The following PUDP variants were observed in gnomAD, a reference collection of about 807,000 sequenced individuals.
PUDP encodes the protein pseudouridine-5'-phosphatase.
In PUDP, 8 loss-of-function variants were observed where a neutral mutation model predicts 9.4. The observed-to-expected ratio is 0.85, with a 90% CI of 0.50 to 1.53. The LOEUF is 1.53. PUDP is among the 40% of genes most tolerant of loss of function. The probability of loss-of-function intolerance (pLI) is 0.00; values close to 1 mark genes in which losing one functional copy is unlikely to be tolerated. For missense variants in PUDP, 188 were observed against 189.7 expected (o/e 0.99, Z 0.05); for synonymous variants, 99 against 80.7 (o/e 1.23, Z -1.22).
intron 1 of PUDP, among the ~76,000 whole-genome samples, chrX:7,133,413 G>C (rs2146928777): frequency 8.9e-6 from 1 of 112,225 alleles, no homozygotes; most frequent in African/African-American, 3.2e-5. Context: ...GAAAGCTATG[G>C]GGAAGCCAGA....
intron 1 of PUDP, among the ~76,000 whole-genome samples, chrX:7,006,537 T>C (rs1362713365): frequency 1.8e-5 from 2 of 111,334 alleles, no homozygotes; most frequent in Admixed American, 9.6e-5. Context: ...TTAAATTGGG[T>C]TGATTTTTTT....
chrX:7,033,459 C>T (rs1253906905), intron 1 of PUDP, among the ~76,000 whole-genome samples: 37 of 112,566 alleles, frequency 3.3e-4, no homozygotes, highest in African/African-American at 1.1e-3. Flanking sequence ...CAAAAGGAGA[C>T]TTTCTGTCTG....
At chrX:6,992,645 T>C (rs1194378115) in intron 1 of PUDP, among the ~76,000 whole-genome samples, 1 of 110,940 alleles carries the variant, frequency 9.0e-6, no homozygotes, top group African/African-American at 3.3e-5. Context: ...AACGTGAGAC[T>C]TGATCTCTGG....
chrX:6,978,840 T>A (rs1928992708), intron 1 of PUDP, among the ~76,000 whole-genome samples: 1 of 111,783 alleles, frequency 8.9e-6, no homozygotes, highest in African/African-American at 3.3e-5. Flanking sequence ...TTGATAAAAC[T>A]GCTCCATTTT....
chrX:6,882,515 G>A (rs1927363270), intron 3 of PUDP, among the ~76,000 whole-genome samples: 2 of 111,357 alleles, frequency 1.8e-5, no homozygotes, highest in South Asian at 7.6e-4. Flanking sequence ...ATTTTCGGGG[G>A]GGCTACAGAA....
intron 3 of PUDP, among the ~76,000 whole-genome samples, chrX:6,926,547 T>C (rs1196749523): frequency 3.6e-5 from 4 of 112,252 alleles, no homozygotes; most frequent in African/African-American, 1.3e-4. Context: ...AAGAGAAAAA[T>C]GAGGCAGCTC....
chrX:6,780,138 A>G (rs751683114), intron 3 of PUDP, among the ~76,000 whole-genome samples: 9 of 109,970 alleles, frequency 8.2e-5, no homozygotes, highest in Non-Finnish European at 1.3e-4. Flanking sequence ...ATATATACAT[A>G]TTGTATATAT....
intron 1 of PUDP, among the ~76,000 whole-genome samples, chrX:7,000,734 T>C (rs1207612747): frequency 9.2e-6 from 1 of 109,179 alleles, no homozygotes; most frequent in Non-Finnish European, 1.9e-5. Context: ...GGTCACTATT[T>C]ATTCCTGATT....
At chrX:6,720,900 C>T (rs1924666113) in intron 1 of PUDP, among the ~76,000 whole-genome samples, 1 of 110,772 alleles carries the variant, frequency 9.0e-6, no homozygotes, top group Admixed American at 9.7e-5. Flanking sequence ...TTTCTGGAAT[C>T]CAACCAAAGA....
chrX:6,742,585 A>T (rs1340898364), intron 3 of PUDP, among the ~76,000 whole-genome samples: 2 of 112,111 alleles, frequency 1.8e-5, no homozygotes, highest in East Asian at 2.8e-4. Flanking sequence ...CCTGGGCAAG[A>T]TATTTTTTAG....
chrX:7,039,769 T>C (rs778587839), intron 1 of PUDP, among the ~76,000 whole-genome samples: 1 of 112,671 alleles, frequency 8.9e-6, no homozygotes, highest in East Asian at 2.8e-4. Flanking sequence ...CTTTAAATAA[T>C]GTATAACAAT....
At chrX:6,938,774 T>TTTTC (rs1179137148) in intron 3 of PUDP, among the ~76,000 whole-genome samples, 1 of 101,644 alleles carries the variant, frequency 9.8e-6, no homozygotes, top group African/African-American at 3.6e-5. Context: ...TTTCTTTTTC[T>TTTTC]TTTCTTTCTT....
intron 3 of PUDP, among the ~76,000 whole-genome samples, chrX:6,766,068 A>G (rs1443232235): frequency 9.0e-6 from 1 of 111,553 alleles, no homozygotes. Flanking sequence ...GATGGAGGAC[A>G]GATGGAAGTG....
intron 1 of PUDP, among the ~76,000 whole-genome samples, chrX:7,144,148 C>T (rs1294912519): frequency 6.3e-5 from 7 of 111,600 alleles, no homozygotes; most frequent in African/African-American, 2.3e-4. Flanking sequence ...CACTTTGCTC[C>T]ACCTTCCTCA....
intron 3 of PUDP, among the ~76,000 whole-genome samples, chrX:6,930,033 G>C (rs1195596428): frequency 1.8e-5 from 2 of 111,617 alleles, no homozygotes; most frequent in Non-Finnish European, 1.9e-5. Context: ...GTATAGAGGA[G>C]GTGGTGGAAG....
chrX:6,756,958 C>T (rs965623249), intron 3 of PUDP, among the ~76,000 whole-genome samples: 5 of 112,174 alleles, frequency 4.5e-5, no homozygotes, highest in Non-Finnish European at 7.5e-5. Context: ...TCACGGGATA[C>T]GGACAAGGTA....
chrX:6,781,461 T>C (rs1925561263), intron 3 of PUDP, among the ~76,000 whole-genome samples: 1 of 111,750 alleles, frequency 8.9e-6, no homozygotes, highest in Non-Finnish European at 1.9e-5. Context: ...CTCCCAATTT[T>C]GGACCCAGAG....
chrX:7,010,356 C>T (rs903533608), intron 1 of PUDP, among the ~76,000 whole-genome samples: 6 of 111,824 alleles, frequency 5.4e-5, no homozygotes, highest in African/African-American at 2.0e-4. Context: ...TGGCCACACA[C>T]CATGTTACAC....
chrX:6,806,744 G>T (rs1108834), intron 3 of PUDP, among the ~76,000 whole-genome samples: 12,798 of 111,775 alleles, frequency 0.11, 743 homozygotes, highest in East Asian at 0.29. Context: ...TGTATTTCCT[G>T]AGAGAGAACA....
Sources: gnomAD v4.1 joint callset for allele counts (sites outside exome capture counted in the v4.1 genomes callset) on GRCh38, gnomAD v4.1.1 for gene constraint, MANE v1.5 for transcripts, NCBI Gene and HGNC (gene_info 2026-07-23, HGNC 2026-07-21) for gene names.